HPSE2: variants seen among roughly 807,000 people sequenced by gnomAD.
The protein encoded by HPSE2 is inactive heparanase-2.
In HPSE2, 38 loss-of-function variants were observed where a neutral mutation model predicts 60.5. The observed-to-expected ratio is 0.63, with a 90% CI of 0.48 to 0.82. The LOEUF is 0.82. Ranked by LOEUF, HPSE2 falls within the 40% of genes least tolerant of loss-of-function variation. The probability of loss-of-function intolerance (pLI) is 0.00; values close to 1 mark genes in which losing one functional copy is unlikely to be tolerated. For synonymous variants in HPSE2, 295 were observed against 293.2 expected (o/e 1.01, Z -0.06); for missense variants, 713 against 740.4 (o/e 0.96, Z 0.43).
chr10:98,873,251 T>G (rs545858095), intron 3 of HPSE2, among the ~76,000 whole-genome samples: 4 of 152,224 alleles, frequency 2.6e-5, no homozygotes, highest in East Asian at 1.9e-4. Flanking sequence ...TATTTTACAC[T>G]AATTTCCTGG....
At chr10:98,992,761 T>C (rs1956554431) in intron 3 of HPSE2, among the ~76,000 whole-genome samples, 1 of 152,240 alleles carries the variant, frequency 6.6e-6, no homozygotes, top group Non-Finnish European at 1.5e-5. Context: ...TAGCCATGTG[T>C]ACAGTAAGTT....
intron 3 of HPSE2, among the ~76,000 whole-genome samples, chr10:98,995,495 C>T (rs1789122285): frequency 6.6e-6 from 1 of 152,144 alleles, no homozygotes; most frequent in Non-Finnish European, 1.5e-5. Flanking sequence ...CTTAGTTCAA[C>T]CTACCTCTTT....
In HPSE2 at chr10:99,104,697, T is replaced by C. The variant is rs561071283; in HGVS notation, c.610+39541A>G. ...TCAATGATAGACTGAATTAAGAAAA[T>C]ATGGCACATATACACCATGGAATAC... On this transcript the variant is annotated intron_variant, in intron 3 of 11. Transcript: ENST00000370552. 2.5e-3 allele frequency among the ~76,000 whole-genome samples: 385 copies of C among 152,042 alleles called. 3 individuals are homozygous for C. Among genetic ancestry groups the C allele is most frequent in the Non-Finnish European group, 3.5e-3 (237 of 67,990 alleles).
chr10:98,840,987 T>G (rs968395016), intron 3 of HPSE2, among the ~76,000 whole-genome samples: 1 of 152,156 alleles, frequency 6.6e-6, no homozygotes, highest in Non-Finnish European at 1.5e-5. Context: ...AGAACTATAA[T>G]AGGTACAGCT....
intron 9 of HPSE2, among the ~76,000 whole-genome samples, chr10:98,515,913 C>T (rs1253940574): frequency 6.6e-6 from 1 of 152,150 alleles, no homozygotes; most frequent in Non-Finnish European, 1.5e-5. Flanking sequence ...CCTCCCTCTC[C>T]CCACCAGCTC....
intron 3 of HPSE2, among the ~76,000 whole-genome samples, chr10:99,040,844 T>C (rs1021691834): frequency 7.2e-5 from 11 of 152,136 alleles, no homozygotes; most frequent in African/African-American, 2.7e-4. Context: ...CCCAGCACTT[T>C]GGGAGGCCGA....
At chr10:98,540,594 G>A (rs1943428653) in intron 9 of HPSE2, among the ~76,000 whole-genome samples, 1 of 152,156 alleles carries the variant, frequency 6.6e-6, no homozygotes, top group African/African-American at 2.4e-5. Flanking sequence ...AAAGAGAACA[G>A]AATCCAGAGC....
At chr10:99,019,205 A>G (rs1010344740) in intron 3 of HPSE2, among the ~76,000 whole-genome samples, 23 of 152,182 alleles carry the variant, frequency 1.5e-4, no homozygotes, top group Admixed American at 1.5e-3. Context: ...CCAGCCTGCA[A>G]TTGTGAAGTT....
intron 2 of HPSE2, among the ~76,000 whole-genome samples, chr10:99,156,966 CAGAG>C (rs1297602300): frequency 1.5e-5 from 2 of 135,976 alleles, no homozygotes; most frequent in Non-Finnish European, 3.3e-5. Flanking sequence ...AACAGACAAA[CAGAG>C]AGGCAAATCA....
Position 99,165,708 on chromosome 10 carries a change from C to T in HPSE2, c.449-21309G>A, listed in dbSNP as rs1206087009. ...ATTACAGATGCGTGTCACCATGCCCCGCTAATTTTTGTATTTTTAGTAGAG... is the reference window on the plus strand; with the variant it reads ...ATTACAGATGCGTGTCACCATGCCCTGCTAATTTTTGTATTTTTAGTAGAG... On this transcript the variant is annotated intron_variant, in intron 2 of 11. Transcript: ENST00000370552. Among the ~76,000 whole-genome samples, 8 of 151,722 alleles carry T rather than the reference C, an allele frequency of 5.3e-5. No homozygotes were observed. In the East Asian group the frequency reaches 9.7e-4, roughly 18 times the overall value.
chr10:98,906,981 C>A (rs1953840101), intron 3 of HPSE2, among the ~76,000 whole-genome samples: 1 of 151,862 alleles, frequency 6.6e-6, no homozygotes, highest in South Asian at 2.1e-4. Context: ...ATGCCAATAA[C>A]AATGATTTGA....
At chr10:99,014,579 T>A (rs1382110751) in intron 3 of HPSE2, among the ~76,000 whole-genome samples, 8 of 152,190 alleles carry the variant, frequency 5.3e-5, no homozygotes, top group Non-Finnish European at 1.0e-4. Context: ...AAACAGTGTA[T>A]AAGTGTTCCG....
chr10:98,731,252 C>G (rs1589726251), intron 4 of HPSE2, among the ~76,000 whole-genome samples: 1 of 152,222 alleles, frequency 6.6e-6, no homozygotes, highest in East Asian at 1.9e-4. Flanking sequence ...GCACTCCAGT[C>G]TGGGCGACAG....
At chr10:99,191,496 G>A (rs1848220882) in intron 2 of HPSE2, among the ~76,000 whole-genome samples, 2 of 152,162 alleles carry the variant, frequency 1.3e-5, no homozygotes, top group South Asian at 4.1e-4. Flanking sequence ...GAATTCTCCT[G>A]GATCTTACCC....
At chr10:98,876,267 T>C (rs189059404) in intron 3 of HPSE2, among the ~76,000 whole-genome samples, 1 of 151,860 alleles carries the variant, frequency 6.6e-6, no homozygotes, top group Non-Finnish European at 1.5e-5. Context: ...AATATTATAG[T>C]ATAGCTAGTA....
intron 6 of HPSE2, among the ~76,000 whole-genome samples, chr10:98,677,241 C>T (rs1432587658): frequency 2.0e-5 from 3 of 152,216 alleles, no homozygotes; most frequent in Non-Finnish European, 4.4e-5. Flanking sequence ...AGTGCCTGCA[C>T]ATAGTAGGTG....
intron 3 of HPSE2, among the ~76,000 whole-genome samples, chr10:98,814,057 C>A (rs1040027381): frequency 2.0e-5 from 3 of 152,102 alleles, no homozygotes. Flanking sequence ...GGTTACCCTG[C>A]AAGTAAGTAG....
At chr10:99,267,511 T>C in the HPSE2 span, among the ~76,000 whole-genome samples, 1 of 152,044 alleles carries the variant, frequency 6.6e-6, no homozygotes, top group Non-Finnish European at 1.5e-5. Context: ...CTGCCGGGCA[T>C]GGTGGCTCAC....
At chr10:98,701,338 T>C (rs1484151081) in intron 5 of HPSE2, among the ~76,000 whole-genome samples, 1 of 148,060 alleles carries the variant, frequency 6.8e-6, no homozygotes, top group African/African-American at 2.5e-5. Context: ...ATGTCCTTCG[T>C]AGGGACATGG....
Sources: gnomAD v4.1 joint callset for allele counts (sites outside exome capture counted in the v4.1 genomes callset) on GRCh38, gnomAD v4.1.1 for gene constraint, MANE v1.5 for transcripts, NCBI Gene and HGNC (gene_info 2026-07-23, HGNC 2026-07-21) for gene names.